The following ZNF516 variants were observed in gnomAD, a reference collection of about 807,000 sequenced individuals.
ZNF516 encodes zinc finger protein 516.
In ZNF516, 19 loss-of-function variants were observed where a neutral mutation model predicts 79.7. The ratio of observed to expected loss-of-function variants is 0.24; its 90% confidence interval spans 0.17 to 0.35. The LOEUF (loss-of-function observed/expected upper bound fraction) is 0.35. Ranked by LOEUF, ZNF516 falls within the 10% of genes least tolerant of loss-of-function variation. The pLI is 1.00. For missense variants in ZNF516, 1,678 were observed against 1,679.5 expected, an observed-to-expected ratio of 1.00 and a Z score of 0.02; for synonymous variants, 877 against 739.5, an observed-to-expected ratio of 1.19 and a Z score of -3.02.
rs1913572367 is a variant in ZNF516, at chr18:76,467,690, A to C, written c.-271-4549T>G. 3.3e-5 allele frequency among the ~76,000 whole-genome samples: 5 copies of C among 152,314 alleles called. No homozygotes were observed. The South Asian group carries it at 1.0e-3, about 32-fold the overall frequency. ...CACTCAAAGGCTACACCTCAAAAAC[A>C]TGTTGCAATCTACATGGGCTGCCTC... is the stretch of plus-strand genomic sequence containing the variant. On this transcript the variant is annotated intron_variant, in intron 1 of 6. Coordinates refer to ENST00000443185, the MANE Select transcript of ZNF516 (RefSeq NM_014643.4). This position sits in a 1 kb window ranked among gnomAD's most constrained non-coding sequence, Gnocchi z 4.2.
intron 3 of ZNF516, among the ~76,000 whole-genome samples, chr18:76,404,754 CAT>C (rs1300460370): frequency 4.0e-5 from 6 of 151,748 alleles, no homozygotes; most frequent in Non-Finnish European, 2.9e-5. Flanking sequence ...TGTGCATGAG[CAT>C]ATGAGCATCT....
At chr18:76,362,805 G>C (rs1599123119) in intron 6 of ZNF516, among the ~76,000 whole-genome samples, 1 of 152,166 alleles carries the variant, frequency 6.6e-6, no homozygotes, top group African/African-American at 2.4e-5. Context: ...ATCATTTCCA[G>C]TGTGATTTAG....
At chr18:76,405,319 A>G (rs1332647308) in intron 3 of ZNF516, among the ~76,000 whole-genome samples, 1 of 152,000 alleles carries the variant, frequency 6.6e-6, no homozygotes, top group African/African-American at 2.4e-5. Context: ...GGTGTCCTCG[A>G]CTTCCTGGGC....
intron 6 of ZNF516, among the ~76,000 whole-genome samples, chr18:76,366,663 T>C (rs1387823734): frequency 6.6e-6 from 1 of 152,014 alleles, no homozygotes; most frequent in Non-Finnish European, 1.5e-5. Context: ...TTCACGTGTG[T>C]GCTCACCACA....
At chr18:76,495,793 G>C, upstream of ZNF516, 2 of 1,110,696 alleles carry the variant, frequency 1.8e-6, no homozygotes, top group Non-Finnish European at 2.2e-6. Context: ...CCAGGTGCGT[G>C]TGCATTACAC....
At chr18:76,464,843 T>C (rs536833413) in intron 1 of ZNF516, among the ~76,000 whole-genome samples, 18 of 152,362 alleles carry the variant, frequency 1.2e-4, no homozygotes, top group Admixed American at 1.0e-3. Flanking sequence ...AGGCATCTTT[T>C]GAAGGGTGGG....
intron 3 of ZNF516, among the ~76,000 whole-genome samples, chr18:76,391,906 G>A (rs1288283282): frequency 5.9e-5 from 9 of 152,154 alleles, no homozygotes; most frequent in East Asian, 3.9e-4. Context: ...GGAGGAGGCC[G>A]GGCAGGTAGG....
At chr18:76,470,742 C>T (rs956390683) in intron 1 of ZNF516, among the ~76,000 whole-genome samples, 5 of 152,192 alleles carry the variant, frequency 3.3e-5, no homozygotes, top group Admixed American at 6.5e-5. Context: ...AGGCTGGGCG[C>T]GGTGGCTACC....
At chr18:76,473,552 A>T (rs1913981881) in intron 1 of ZNF516, among the ~76,000 whole-genome samples, 1 of 152,172 alleles carries the variant, frequency 6.6e-6, no homozygotes, top group Non-Finnish European at 1.5e-5. Flanking sequence ...CTGTAATCAC[A>T]GCACTTTGGG....
Position 76,493,913 on chromosome 18 carries a change from TAA to T in ZNF516, c.-272+1229_-272+1230del, listed in dbSNP as rs752115725. The stretch of plus-strand genomic sequence containing the variant: ...AAATAAAGCACAGAATGAATATATT[TAA>T]AAAGAGGGCTGCGCAAGTTGATCTT... On this transcript the variant is annotated intron_variant, in intron 1 of 6. Transcript: ENST00000443185. This position sits in a 1 kb window ranked among gnomAD's most constrained non-coding sequence, Gnocchi z 5.2. 5 of 152,200 alleles carry T rather than the reference TAA, an allele frequency of 3.3e-5. No individual in the cohort carries two copies. Among genetic ancestry groups the T allele is most frequent in the Non-Finnish European group, 7.3e-5 (5 of 68,036 alleles). 9.4% of individuals were successfully genotyped at this position (152,200 alleles called of 1,614,324 possible).
chr18:76,425,113 C>T (rs977696310), intron 3 of ZNF516, among the ~76,000 whole-genome samples: 2 of 152,054 alleles, frequency 1.3e-5, no homozygotes, highest in Non-Finnish European at 2.9e-5. Context: ...TCGGAAGGGC[C>T]TTATCTCGGA....
chr18:76,403,615 G>C (rs2075260712), intron 3 of ZNF516, among the ~76,000 whole-genome samples: 1 of 152,148 alleles, frequency 6.6e-6, no homozygotes, highest in African/African-American at 2.4e-5. Flanking sequence ...ACAAGATCTA[G>C]AGTTTCACAC....
chr18:76,382,966 G>C (rs981047410), intron 3 of ZNF516, among the ~76,000 whole-genome samples: 1 of 151,618 alleles, frequency 6.6e-6, no homozygotes, highest in Admixed American at 6.6e-5. Flanking sequence ...AACCCTGGAG[G>C]GGGAGGCTGC....
rs1911798884 is a variant in ZNF516 at position 76,442,883 on chromosome 18, C to T, written c.172G>A (p.Gly58Ser). ...TAGGGACACTTGTAGGGCTTCTCGC[C>T]CGTGTGCTTGCGCATGTGCTGCGAA... is the stretch of plus-strand genomic sequence containing the variant. ...SLSQHMRKHTGEKPYKCPYCD... is the reference protein window; with the variant it reads ...SLSQHMRKHTSEKPYKCPYCD... The change falls in exon 3 of 7, where the codon GGC becomes AGC. Residue 58 changes from glycine (G) to serine (S), a missense_variant. By Grantham distance (56) the Gly-to-Ser change is moderately conservative. Around this residue, in one of 5 missense-constraint regions of ZNF516, gnomAD observed 26 missense variants for 66.4 expected, o/e 0.39. Transcript: ENST00000443185. The T allele has an allele frequency of 1.9e-6, 3 of 1,613,826 alleles. No homozygotes were observed. The East Asian group carries it at 6.7e-5, about 36-fold the overall frequency.
At chr18:76,373,300 G>A (rs1479412583) in intron 4 of ZNF516, among the ~76,000 whole-genome samples, 1 of 151,192 alleles carries the variant, frequency 6.6e-6, no homozygotes, top group Non-Finnish European at 1.5e-5. Context: ...AGGGAGGGAG[G>A]GAAAGAGAAG....
At chr18:76,486,368 C>G (rs1914832762) in intron 1 of ZNF516, among the ~76,000 whole-genome samples, 1 of 103,754 alleles carries the variant, frequency 9.6e-6, no homozygotes, top group African/African-American at 2.6e-5. Flanking sequence ...TTGCCCTTTT[C>G]TGAAACAAAA....
intron 3 of ZNF516, among the ~76,000 whole-genome samples, chr18:76,422,686 C>T (rs1056209291): frequency 6.6e-6 from 1 of 151,702 alleles, no homozygotes; most frequent in Non-Finnish European, 1.5e-5. Flanking sequence ...GAAGCAGGGA[C>T]GGGATGATGG....
intron 3 of ZNF516, among the ~76,000 whole-genome samples, chr18:76,436,419 G>A (rs758438702): frequency 6.6e-5 from 10 of 152,056 alleles, no homozygotes; most frequent in Admixed American, 3.3e-4. Context: ...TCTTTGAATC[G>A]TTTTGAGCCT....
chr18:76,478,924 T>C (rs1301001527), intron 1 of ZNF516, among the ~76,000 whole-genome samples: 1 of 152,076 alleles, frequency 6.6e-6, no homozygotes, highest in African/African-American at 2.4e-5. Context: ...GGCATGGTTG[T>C]GTGCGCCTGT....
Sources: gnomAD v4.1 joint callset for allele counts (sites outside exome capture counted in the v4.1 genomes callset) on GRCh38, gnomAD v4.1.1 for gene constraint, gnomAD v4.1.1 regional missense constraint, Gnocchi (gnomAD v3.1) non-coding constraint, MANE v1.5 for transcripts, NCBI Gene and HGNC (gene_info 2026-07-23, HGNC 2026-07-21) for gene names.